BTBD10: variants seen among roughly 807,000 people sequenced by gnomAD.
BTBD10 encodes the protein BTB domain containing 10.
In BTBD10, 21 loss-of-function variants were observed where a neutral mutation model predicts 53.2. That is an observed-to-expected ratio of 0.39 (90% CI 0.28 to 0.57). The LOEUF (loss-of-function observed/expected upper bound fraction) is 0.57, where lower values mean the gene tolerates loss of function less well. BTBD10 is among the 20% of genes least tolerant of loss of function. The pLI, the probability that BTBD10 is intolerant of heterozygous loss-of-function variation, is 0.53. For missense variants in BTBD10, 360 were observed against 594.7 expected (o/e 0.61, Z 4.10); for synonymous variants, 149 against 192.7 (o/e 0.77, Z 1.88).
intron 1 of BTBD10, among the ~76,000 whole-genome samples, chr11:13,462,264 G>A (rs1325769587): frequency 3.3e-5 from 5 of 152,120 alleles, no homozygotes; most frequent in Non-Finnish European, 7.4e-5. Context: ...TTAATATCCT[G>A]TGCTGTTTCA....
At chr11:13,407,996 G>A (rs1476516127) in intron 6 of BTBD10, among the ~76,000 whole-genome samples, 2 of 152,182 alleles carry the variant, frequency 1.3e-5, no homozygotes, top group Non-Finnish European at 2.9e-5. Context: ...CACCAGACAT[G>A]TGAATAAAGC....
intron 1 of BTBD10, among the ~76,000 whole-genome samples, chr11:13,455,543 A>G (rs1353914949): frequency 6.6e-6 from 1 of 152,224 alleles, no homozygotes; most frequent in Admixed American, 6.5e-5. Flanking sequence ...TTTAGTTTAT[A>G]GGCTACCTTC....
intron 2 of BTBD10, among the ~76,000 whole-genome samples, chr11:13,437,965 C>A (rs968189780): frequency 2.0e-5 from 3 of 152,044 alleles, no homozygotes; most frequent in South Asian, 2.1e-4. Context: ...CAGATGAATT[C>A]TTTACCTCTA....
intron 2 of BTBD10, among the ~76,000 whole-genome samples, chr11:13,436,905 T>C (rs1346049866): frequency 6.6e-6 from 1 of 152,072 alleles, no homozygotes; most frequent in Non-Finnish European, 1.5e-5. Context: ...CCTCAGCCTC[T>C]CAACATAGCT....
chr11:13,399,067 G>A (rs2135752392), intron 8 of BTBD10, among the ~76,000 whole-genome samples: 1 of 152,262 alleles, frequency 6.6e-6, no homozygotes, highest in South Asian at 2.1e-4. Context: ...GGCGTTCTCT[G>A]TATTTCCTGA....
chr11:13,428,227 C>A (rs1435833813), intron 2 of BTBD10, among the ~76,000 whole-genome samples: 1 of 151,926 alleles, frequency 6.6e-6, no homozygotes, highest in East Asian at 1.9e-4. Flanking sequence ...CAAATTTAAA[C>A]CTACAAAAAA....
chr11:13,405,472 T>C (rs1203379673), intron 7 of BTBD10, 187 bp downstream of exon 7: 2 of 608,384 alleles, frequency 3.3e-6, no homozygotes, highest in African/African-American at 3.7e-5. Flanking sequence ...GCAGTTTCTG[T>C]TACAACTACT....
intron 1 of BTBD10, among the ~76,000 whole-genome samples, chr11:13,460,497 A>C (rs1410995566): frequency 6.6e-6 from 1 of 152,210 alleles, no homozygotes; most frequent in Non-Finnish European, 1.5e-5. Context: ...TTAATGGGTA[A>C]ATGAGGCTTA....
At chr11:13,424,071 GA>G (rs547742942) in intron 2 of BTBD10, among the ~76,000 whole-genome samples, 1 of 151,768 alleles carries the variant, frequency 6.6e-6, no homozygotes, top group Non-Finnish European at 1.5e-5. Flanking sequence ...TCTAAAGTAG[GA>G]AAAAAAGGAA....
In BTBD10 at chr11:13,414,038, G is replaced by A. The variant is rs531434260; in HGVS notation, c.688-388C>T. Among the ~76,000 whole-genome samples the A allele has an allele frequency of 2.0e-4, 31 of 152,130 alleles. No homozygotes were observed. In the South Asian group the frequency reaches 3.1e-3, roughly 15 times the overall value. ...TTTAAACATTTTTTTAAAAAGTAAG[G>A]AAATTGAATGATATGTTATCTTAAA... On this transcript the variant is annotated intron_variant, in intron 5 of 8. Coordinates refer to ENST00000278174, the MANE Select transcript of BTBD10 (RefSeq NM_032320.7).
chr11:13,432,952 T>C (rs573281032), intron 2 of BTBD10, among the ~76,000 whole-genome samples: 2 of 152,170 alleles, frequency 1.3e-5, no homozygotes, highest in South Asian at 4.1e-4. Context: ...CAGAAGTAGC[T>C]GATATAAGTA....
At chr11:13,410,873 C>A (rs1949927095) in intron 6 of BTBD10, among the ~76,000 whole-genome samples, 1 of 152,090 alleles carries the variant, frequency 6.6e-6, no homozygotes, top group Non-Finnish European at 1.5e-5. Flanking sequence ...CCTAAAGACA[C>A]AAAAGTGTGA....
chr11:13,417,307 C>T, intron 4 of BTBD10, 47 bp from the exon 5 acceptor site: 2 of 1,333,316 alleles, frequency 1.5e-6, no homozygotes, highest in Non-Finnish European at 2.1e-6. Context: ...ATACTTCCTT[C>T]AAAAGGGAAA....
chr11:13,460,009 A>C (rs574533754), intron 1 of BTBD10, among the ~76,000 whole-genome samples: 1 of 152,368 alleles, frequency 6.6e-6, no homozygotes, highest in South Asian at 2.1e-4. Flanking sequence ...CAAATTCCTC[A>C]GAAGTAGTCT....
chr11:13,428,676 AAAG>A (rs1196430880), intron 2 of BTBD10, among the ~76,000 whole-genome samples: 1 of 152,158 alleles, frequency 6.6e-6, no homozygotes, highest in African/African-American at 2.4e-5. Flanking sequence ...ATACATAAAA[AAAG>A]AATAGTAATC....
chr11:13,435,551 G>A (rs1950531481), intron 2 of BTBD10, among the ~76,000 whole-genome samples: 1 of 152,166 alleles, frequency 6.6e-6, no homozygotes, highest in Non-Finnish European at 1.5e-5. Flanking sequence ...GGAGTGCAGT[G>A]GCGCACTCTC....
intron 2 of BTBD10, 38 bp downstream of exon 2, chr11:13,444,986 C>A: frequency 6.6e-7 from 1 of 1,509,772 alleles, no homozygotes; most frequent in Non-Finnish European, 9.2e-7. Context: ...CAGTTTTTAG[C>A]AGAGCTTTCA....
At chr11:13,421,309 C>A (rs1433059795) in intron 3 of BTBD10, among the ~76,000 whole-genome samples, 1 of 152,130 alleles carries the variant, frequency 6.6e-6, no homozygotes, top group Admixed American at 6.5e-5. Flanking sequence ...AACTAAACTC[C>A]TATCAATAAT....
intron 1 of BTBD10, among the ~76,000 whole-genome samples, chr11:13,458,169 C>T (rs1483667025): frequency 4.1e-5 from 6 of 148,094 alleles, no homozygotes; most frequent in Non-Finnish European, 8.9e-5. Flanking sequence ...CTGTTCCAGT[C>T]TACTGTTAAA....
Sources: allele counts gnomAD v4.1 joint callset (sites outside exome capture counted in the v4.1 genomes callset), GRCh38; gene constraint gnomAD v4.1.1; transcripts MANE v1.5; gene names NCBI Gene and HGNC (gene_info 2026-07-23, HGNC 2026-07-21).